The following AFDN variants were observed in gnomAD, a reference collection of about 807,000 sequenced individuals.
AFDN encodes afadin, adherens junction formation factor.
A neutral mutation model predicts 216.6 loss-of-function variants in AFDN; 68 were observed. The ratio of observed to expected loss-of-function variants is 0.31; its 90% CI spans 0.26 to 0.38. The LOEUF (loss-of-function observed/expected upper bound fraction) is 0.38, where lower values mean the gene tolerates loss of function less well. Among genes scored for constraint, AFDN ranks in the 10% least tolerant of loss-of-function variants. The pLI, the probability that AFDN is intolerant of heterozygous loss-of-function variation, is 1.00. For missense variants in AFDN, 2,136 were observed against 2,342.0 expected, an observed-to-expected ratio of 0.91 and a Z score of 1.82; for synonymous variants, 868 against 853.7, an observed-to-expected ratio of 1.02 and a Z score of -0.29.
chr6:167,951,664 G>A lies in AFDN; in HGVS notation c.4310G>A (p.Arg1437Gln), dbSNP rs1362847153. 3.1e-6 allele frequency: 5 copies of A among 1,613,876 alleles called. No individual in the cohort carries two copies. The highest frequency in any genetic ancestry group is 3.4e-6 in the Non-Finnish European group (4 of 1,179,962). ...GAGAAGGCCCGCCTGGAGGAGGAGC[G>A]GGAGAGGAAGCGGAGAGAGCAGGAG... ...EKEKARLEEERERKRREQERK... is the reference protein window; with the variant it reads ...EKEKARLEEEQERKRREQERK... Residue 1437 changes from arginine (R) to glutamine (Q), a missense_variant, in exon 30 of 34, where the codon CGG (arginine) becomes CAG (glutamine). Arg to Gln is a conservative substitution (Grantham distance 43). Around this residue, in one of 8 missense-constraint regions of AFDN, gnomAD observed 981 missense variants for 966.0 expected, o/e 1.02. Coordinates refer to ENST00000683244, the MANE Select transcript of AFDN (RefSeq NM_001386888.1). This position sits in a 1 kb window ranked among gnomAD's most constrained non-coding sequence, Gnocchi z 7.1.
chr6:167,876,369 C>G (rs1422468073), intron 5 of AFDN, among the ~76,000 whole-genome samples: 1 of 152,122 alleles, frequency 6.6e-6, no homozygotes, highest in Non-Finnish European at 1.5e-5. Context: ...CCAAGTGATT[C>G]TTTGTTTATA....
At chr6:167,960,024 A>G (rs957559470) in intron 30 of AFDN, among the ~76,000 whole-genome samples, 26 of 152,236 alleles carry the variant, frequency 1.7e-4, no homozygotes, top group African/African-American at 6.0e-4. Context: ...TTGTAATTTA[A>G]GTTAAAATAT....
intron 5 of AFDN, among the ~76,000 whole-genome samples, chr6:167,877,197 G>A (rs1358798324): frequency 6.6e-6 from 1 of 152,152 alleles, no homozygotes; most frequent in Admixed American, 6.5e-5. Flanking sequence ...ATTTAGGATG[G>A]CCCCTCTGCT....
intron 23 of AFDN, among the ~76,000 whole-genome samples, chr6:167,929,098 C>T (rs944673266): frequency 1.3e-5 from 2 of 151,986 alleles, no homozygotes; most frequent in Non-Finnish European, 2.9e-5. Flanking sequence ...AGACTAGGTT[C>T]TTTGTACTTT....
chr6:167,849,771 C>T (rs569750148), intron 1 of AFDN, among the ~76,000 whole-genome samples: 2 of 152,296 alleles, frequency 1.3e-5, no homozygotes, highest in South Asian at 4.1e-4. Context: ...ATCTACTTCA[C>T]TGATTGGTTC....
intron 1 of AFDN, among the ~76,000 whole-genome samples, chr6:167,846,359 C>T (rs1415733945): frequency 6.6e-6 from 1 of 151,958 alleles, no homozygotes; most frequent in East Asian, 1.9e-4. Context: ...CATATGACTA[C>T]AAAAATACTA....
chr6:167,925,428 C>T (rs760552235), intron 23 of AFDN, among the ~76,000 whole-genome samples: 1 of 152,260 alleles, frequency 6.6e-6, no homozygotes. Context: ...AAAACTGCAT[C>T]GTGGGAGTGG....
intron 1 of AFDN, among the ~76,000 whole-genome samples, chr6:167,843,702 A>C (rs1781324730): frequency 6.6e-6 from 1 of 150,764 alleles, no homozygotes; most frequent in Admixed American, 6.6e-5. Flanking sequence ...GAAATAGGAT[A>C]ACTTACAGCA....
At chr6:167,922,091 G>A (rs1015163648) in intron 21 of AFDN, among the ~76,000 whole-genome samples, 1 of 152,226 alleles carries the variant, frequency 6.6e-6, no homozygotes, top group Non-Finnish European at 1.5e-5. Flanking sequence ...GTGGGAAGAA[G>A]ATGGCAGTAG....
intron 12 of AFDN, among the ~76,000 whole-genome samples, chr6:167,906,389 A>G (rs1789694747): frequency 1.3e-5 from 2 of 152,358 alleles, no homozygotes; most frequent in East Asian, 1.9e-4. Flanking sequence ...AAAGCTGGAA[A>G]GACGTACAGT....
intron 11 of AFDN, among the ~76,000 whole-genome samples, chr6:167,899,449 C>T (rs750791748): frequency 1.7e-4 from 26 of 152,268 alleles, no homozygotes; most frequent in Middle Eastern, 6.8e-3. Flanking sequence ...ATTTAAACAC[C>T]ATCCTTCCAT....
At chr6:167,939,197 T>C (rs1794381473) in intron 23 of AFDN, among the ~76,000 whole-genome samples, 1 of 152,224 alleles carries the variant, frequency 6.6e-6, no homozygotes, top group South Asian at 2.1e-4. Flanking sequence ...ACATTTTTCT[T>C]GTCAGAGATG....
At chr6:167,879,698 C>A (rs1245122921) in intron 5 of AFDN, among the ~76,000 whole-genome samples, 1 of 152,160 alleles carries the variant, frequency 6.6e-6, no homozygotes, top group African/African-American at 2.4e-5. Context: ...ATCCAAATTG[C>A]TCTGCTGTAG....
intron 15 of AFDN, 22 bp downstream of exon 15, chr6:167,911,511 A>T (rs757581403): frequency 6.2e-7 from 1 of 1,609,398 alleles, no homozygotes; most frequent in East Asian, 2.2e-5. Flanking sequence ...CCGGCCAGCC[A>T]TGCTCCTCCA....
At chr6:167,949,866 A>T (rs1795761369) in intron 29 of AFDN, among the ~76,000 whole-genome samples, 1 of 152,176 alleles carries the variant, frequency 6.6e-6, no homozygotes, top group South Asian at 2.1e-4. Flanking sequence ...ATGGATAAAC[A>T]ATACCTAGAG....
chr6:167,898,750 A>C (rs983558535), intron 11 of AFDN, among the ~76,000 whole-genome samples: 4 of 152,304 alleles, frequency 2.6e-5, no homozygotes, highest in African/African-American at 4.8e-5. Flanking sequence ...TCTTTTGTGA[A>C]AAAAACATGG....
intron 1 of AFDN, chr6:167,827,561 C>T (rs865900045): frequency 0.018 from 2,630 of 145,378 alleles, 41 homozygotes; most frequent in Non-Finnish European, 0.03. Context: ...CGCGGCGCGG[C>T]CCCGGCCTCA....
At chr6:167,882,888 G>C (rs895919294) in intron 6 of AFDN, among the ~76,000 whole-genome samples, 1 of 151,858 alleles carries the variant, frequency 6.6e-6, no homozygotes, top group South Asian at 2.1e-4. Flanking sequence ...AAAGGTTTGG[G>C]GAGTAAGGCT....
At chr6:167,826,744 C>G (rs867388273), upstream of AFDN, 1 of 374,284 alleles carries the variant, frequency 2.7e-6, no homozygotes, top group Non-Finnish European at 5.3e-6. Context: ...GCGCGGGGCC[C>G]GCCCTCCGAC....
Sources: gnomAD v4.1 joint callset for allele counts (sites outside exome capture counted in the v4.1 genomes callset) on GRCh38, gnomAD v4.1.1 for gene constraint, gnomAD v4.1.1 regional missense constraint, Gnocchi (gnomAD v3.1) non-coding constraint, MANE v1.5 for transcripts, NCBI Gene and HGNC (gene_info 2026-07-23, HGNC 2026-07-21) for gene names.